Variants in PRELID2 observed in about 807,000 individuals in gnomAD.
PRELID2 encodes PRELI domain-containing protein 2.
Under a neutral mutation model 28.4 loss-of-function variants are expected in PRELID2, and 25 were observed. The observed-to-expected ratio is 0.88, with a 90% CI of 0.64 to 1.23. PRELID2 has a LOEUF of 1.23. PRELID2 is among the 50% of genes most tolerant of loss of function. PRELID2 has a pLI of 0.00. For synonymous variants in PRELID2, 76 were observed against 71.6 expected (o/e 1.06, Z -0.31); for missense variants, 201 against 214.4 (o/e 0.94, Z 0.39).
the PRELID2 span, among the ~76,000 whole-genome samples, chr5:145,307,369 G>T: frequency 6.6e-6 from 1 of 152,162 alleles, no homozygotes; most frequent in South Asian, 2.1e-4. Context: ...AAGATCTAGG[G>T]TTGGACAGAG....
intron 1 of PRELID2, among the ~76,000 whole-genome samples, chr5:145,520,229 G>C (rs1334337996): frequency 6.6e-6 from 1 of 152,222 alleles, no homozygotes; most frequent in East Asian, 1.9e-4. Flanking sequence ...AACATTTGGA[G>C]GCATTTCCCC....
intron 1 of PRELID2, among the ~76,000 whole-genome samples, chr5:145,626,464 A>G (rs1038466007): frequency 6.6e-6 from 1 of 152,210 alleles, no homozygotes; most frequent in Non-Finnish European, 1.5e-5. Context: ...AATTAAAACC[A>G]CAATGAGATA....
intron 1 of PRELID2, among the ~76,000 whole-genome samples, chr5:145,593,435 C>T (rs1753258721): frequency 6.6e-6 from 1 of 152,294 alleles, no homozygotes; most frequent in South Asian, 2.1e-4. Context: ...TTAATCCGAA[C>T]AGCCAGCTAT....
chr5:145,288,427 A>T, the PRELID2 span, among the ~76,000 whole-genome samples: 260 of 152,172 alleles, frequency 1.7e-3, no homozygotes, highest in African/African-American at 6.0e-3. Context: ...TACCCCCATC[A>T]CTGTATTTTA....
At chr5:145,335,497 T>TTGTGTTTATCAGTTA in the PRELID2 span, among the ~76,000 whole-genome samples, 1 of 152,176 alleles carries the variant, frequency 6.6e-6, no homozygotes, top group South Asian at 2.1e-4. Context: ...TAAAAAATTA[T>TTGTGTTTATCAGTTA]TGTGTTTATC....
intron 1 of PRELID2, among the ~76,000 whole-genome samples, chr5:145,615,320 T>TATAGGTGGTAGA (rs778219046): frequency 1.0e-4 from 11 of 108,066 alleles, no homozygotes; most frequent in South Asian, 3.1e-4. Flanking sequence ...GTGAGTCTCT[T>TATAGGTGGTAGA]TTTTTTGTTT....
intron 1 of PRELID2, among the ~76,000 whole-genome samples, chr5:145,745,323 C>G (rs547072940): frequency 3.9e-5 from 6 of 152,150 alleles, no homozygotes; most frequent in Non-Finnish European, 7.3e-5. Context: ...CCCAACCTAG[C>G]AAGACAGGCC....
chr5:145,307,678 C>G, the PRELID2 span, among the ~76,000 whole-genome samples: 1 of 152,212 alleles, frequency 6.6e-6, no homozygotes, highest in South Asian at 2.1e-4. Context: ...ATGGAGCCCA[C>G]CAGTTTGGCT....
At chr5:145,809,251 A>G (rs1008637413) in intron 4 of PRELID2, among the ~76,000 whole-genome samples, 13 of 152,152 alleles carry the variant, frequency 8.5e-5, no homozygotes, top group African/African-American at 3.1e-4. Flanking sequence ...CATGTTGCCC[A>G]GGCTGGTCTG....
rs570584492 is a variant in PRELID2, at chr5:145,486,691, A to G, written n.71-13376T>C. 2.0e-5 allele frequency among the ~76,000 whole-genome samples: 3 copies of G among 152,326 alleles called. No homozygotes were observed. The South Asian group carries it at 6.2e-4, about 32-fold the overall frequency. On this transcript the variant is annotated intron_variant and non_coding_transcript_variant, in intron 1 of 2. Coordinates refer to the PRELID2 transcript ENST00000510259. ...TTGAAAAGCAAAGAAAATCATAAGCATCAGTAGAATACATCTTCTACTACC... is the reference window on the plus strand; with the variant it reads ...TTGAAAAGCAAAGAAAATCATAAGCGTCAGTAGAATACATCTTCTACTACC...
At chr5:145,798,894 G>T (rs1346139795) in intron 4 of PRELID2, among the ~76,000 whole-genome samples, 1 of 151,944 alleles carries the variant, frequency 6.6e-6, no homozygotes, top group African/African-American at 2.4e-5. Context: ...CCTAGGGGAG[G>T]GATAGCATTA....
At chr5:145,446,080 T>C in the PRELID2 span, among the ~76,000 whole-genome samples, 1 of 152,164 alleles carries the variant, frequency 6.6e-6, no homozygotes, top group South Asian at 2.1e-4. Flanking sequence ...GGGATGACTA[T>C]AGTTAACAAT....
At chr5:145,487,673 T>C (rs1752229973) in intron 1 of PRELID2, among the ~76,000 whole-genome samples, 1 of 152,174 alleles carries the variant, frequency 6.6e-6, no homozygotes, top group South Asian at 2.1e-4. Flanking sequence ...CCCTTTGTCC[T>C]TCCAGCTTTG....
chr5:145,490,896 A>AC (rs1179192573), intron 1 of PRELID2, among the ~76,000 whole-genome samples: 79 of 122,922 alleles, frequency 6.4e-4, no homozygotes, highest in African/African-American at 1.7e-3. Context: ...CACAGTCCCC[A>AC]CCCCCCCATC....
chr5:145,567,728 C>T (rs1752980056), intron 1 of PRELID2, among the ~76,000 whole-genome samples: 1 of 152,098 alleles, frequency 6.6e-6, no homozygotes, highest in Non-Finnish European at 1.5e-5. Context: ...ACTTCTCTTT[C>T]CTGCTGCCAT....
rs541769308 is a variant in PRELID2, at chr5:145,758,820, TTA to T, written c.*1714_*1715del. 7.0e-3 allele frequency among the ~76,000 whole-genome samples: 1,072 copies of T among 152,062 alleles called. 5 individuals are homozygous for T. The highest frequency in any genetic ancestry group is 8.7e-3 in the Non-Finnish European group (591 of 67,994). On this transcript the variant is annotated 3_prime_UTR_variant, in exon 7 of 7. Transcript: ENST00000683046. ...GAAACACTATGAAGCTGAAAAGAAATTAAGAGACAAAATTCAGGCAGCACAAA... is the reference window on the plus strand; with the variant it reads ...GAAACACTATGAAGCTGAAAAGAAATAGAGACAAAATTCAGGCAGCACAAA...
At chr5:145,472,851 T>C (rs1222680520) in intron 2 of PRELID2, among the ~76,000 whole-genome samples, 7 of 152,194 alleles carry the variant, frequency 4.6e-5, no homozygotes, top group Admixed American at 3.9e-4. Context: ...TCTGGTCTGA[T>C]AAGTATAGAG....
At chr5:145,594,357 A>T (rs575439327) in intron 1 of PRELID2, among the ~76,000 whole-genome samples, 2 of 152,092 alleles carry the variant, frequency 1.3e-5, no homozygotes, top group African/African-American at 2.4e-5. Flanking sequence ...GTTTTGAGTC[A>T]GTGTATATCT....
intron 1 of PRELID2, among the ~76,000 whole-genome samples, chr5:145,703,432 C>A (rs1016091827): frequency 3.3e-5 from 5 of 152,216 alleles, no homozygotes; most frequent in Non-Finnish European, 1.5e-5. Context: ...CACACAGTAG[C>A]TTCAGCTTTA....
Sources: allele counts gnomAD v4.1 joint callset (sites outside exome capture counted in the v4.1 genomes callset), GRCh38; gene constraint gnomAD v4.1.1; transcripts MANE v1.5; gene names NCBI Gene and HGNC (gene_info 2026-07-23, HGNC 2026-07-21).